The following BRINP3 variants were observed in gnomAD, a reference collection of about 807,000 sequenced individuals.
BRINP3 encodes BMP/retinoic acid inducible neural specific 3.
BRINP3 carries 19 observed loss-of-function variants against 71.0 expected under a neutral mutation model. That is an observed-to-expected ratio of 0.27 (90% confidence interval 0.19 to 0.39). The LOEUF (loss-of-function observed/expected upper bound fraction) is 0.39, where lower values mean the gene tolerates loss of function less well. BRINP3 is among the 10% of genes least tolerant of loss of function. BRINP3 has a pLI of 1.00. For missense variants in BRINP3, 959 were observed against 940.8 expected (o/e 1.02, Z -0.25); for synonymous variants, 380 against 337.7 (o/e 1.13, Z -1.37).
intron 7 of BRINP3, among the ~76,000 whole-genome samples, chr1:190,148,640 T>TAAAA (rs1553249532): frequency 4.3e-4 from 64 of 148,640 alleles, no homozygotes; most frequent in African/African-American, 1.6e-3. Context: ...AATAAATAAA[T>TAAAA]AAATAAATAA....
rs142122573 is a variant in BRINP3 at position 190,113,525 on chromosome 1, A to G, written c.1185-14391T>C. Among the ~76,000 whole-genome samples the G allele has an allele frequency of 3.7e-3, 560 of 152,342 alleles. 5 individuals are homozygous for G. The highest frequency in any genetic ancestry group is 0.012 in the African/African-American group (500 of 41,580). ...AATTATGCTAATTAGTTAAACAAAC[A>G]GCATGTGTCTCCTTTAAGGAGACAT... On this transcript the variant is annotated intron_variant, in intron 7 of 7. Transcript: ENST00000367462.
At chr1:190,341,369 T>C (rs988341517) in intron 2 of BRINP3, among the ~76,000 whole-genome samples, 1 of 151,916 alleles carries the variant, frequency 6.6e-6, no homozygotes, top group Admixed American at 6.6e-5. Context: ...TGATAATATA[T>C]GATGTTTAAT....
At chr1:190,395,678 A>T (rs1056839276) in intron 2 of BRINP3, among the ~76,000 whole-genome samples, 5 of 151,764 alleles carry the variant, frequency 3.3e-5, no homozygotes, top group African/African-American at 1.2e-4. Context: ...ATTACAAAAA[A>T]CCTACCTTCA....
intron 7 of BRINP3, among the ~76,000 whole-genome samples, chr1:190,107,043 C>T (rs945325718): frequency 9.2e-5 from 14 of 151,980 alleles, no homozygotes; most frequent in African/African-American, 3.4e-4. Context: ...CAGCTCATTC[C>T]TTTGTGTCAC....
intron 2 of BRINP3, among the ~76,000 whole-genome samples, chr1:190,443,760 C>G (rs778482797): frequency 6.6e-6 from 1 of 152,144 alleles, no homozygotes; most frequent in African/African-American, 2.4e-5. Flanking sequence ...CATCTGACAG[C>G]GACTTCTAGT....
intron 7 of BRINP3, among the ~76,000 whole-genome samples, chr1:190,157,444 A>C (rs1656968227): frequency 6.6e-6 from 1 of 152,066 alleles, no homozygotes. Context: ...GAGATTGTCC[A>C]AATCTTCCCT....
intron 2 of BRINP3, among the ~76,000 whole-genome samples, chr1:190,416,242 AAGAC>A (rs1672996750): frequency 6.6e-6 from 1 of 152,170 alleles, no homozygotes; most frequent in African/African-American, 2.4e-5. Context: ...ATCATTATAT[AAGAC>A]AGAATTCTTA....
intron 2 of BRINP3, among the ~76,000 whole-genome samples, chr1:190,363,214 G>A (rs912485446): frequency 3.3e-5 from 5 of 152,034 alleles, no homozygotes; most frequent in Admixed American, 1.3e-4. Context: ...ACAACAAAAT[G>A]GAAACCGCAA....
At chr1:190,203,341 G>T (rs1367432908) in intron 6 of BRINP3, among the ~76,000 whole-genome samples, 1 of 151,362 alleles carries the variant, frequency 6.6e-6, no homozygotes, top group Non-Finnish European at 1.5e-5. Context: ...AGATGCAGTT[G>T]GGATGAAAAG....
At chr1:190,329,489 G>C in intron 2 of BRINP3, among the ~76,000 whole-genome samples, 1 of 151,580 alleles carries the variant, frequency 6.6e-6, no homozygotes, top group East Asian at 1.9e-4. Context: ...AGAGGTGAAA[G>C]ACCTCTACAC....
Position 190,451,031 on chromosome 1 carries a change from TG to T in BRINP3, c.236+3623del, listed in dbSNP as rs558360679. On this transcript the variant is annotated intron_variant, in intron 2 of 7. Coordinates refer to ENST00000367462, the MANE Select transcript of BRINP3 (RefSeq NM_199051.3). ...CCTCAATTGTCTCCTATTCTCAAATTGGAGCATTATTTGAGTGCTCTGAAGA... is the reference window on the plus strand; with the variant it reads ...CCTCAATTGTCTCCTATTCTCAAATTGAGCATTATTTGAGTGCTCTGAAGA... Among the ~76,000 whole-genome samples, 5 of 152,270 alleles carry T rather than the reference TG, an allele frequency of 3.3e-5. No individual in the cohort carries two copies. In the South Asian group the frequency reaches 1.0e-3, roughly 32 times the overall value.
In BRINP3 at chr1:190,098,750, G is replaced by C; in HGVS notation, c.1569C>G (p.Ser523Arg). Residue 523 changes from serine (S) to arginine (R), a missense_variant, in exon 8 of 8, where the codon AGC (serine) becomes AGG (arginine). Coordinates refer to ENST00000367462, the MANE Select transcript of BRINP3 (RefSeq NM_199051.3). Reference protein sequence around the residue: ...IFISNDMRLNSWFDPSWRKRM... With the variant: ...IFISNDMRLNRWFDPSWRKRM... ...GCTTACGCCAGGAGGGATCAAACCA[G>C]CTATTGAGGCGCATGTCATTGCTGA... 6.2e-7 allele frequency: 1 copy of C among 1,614,172 alleles called. No individual in the cohort carries two copies. Among genetic ancestry groups the C allele is most frequent in the Non-Finnish European group, 8.5e-7 (1 of 1,180,030 alleles).
chr1:190,157,789 T>C (rs1220716684), intron 7 of BRINP3, among the ~76,000 whole-genome samples: 2 of 152,066 alleles, frequency 1.3e-5, no homozygotes, highest in African/African-American at 4.8e-5. Context: ...TAATGATTTA[T>C]AGCAGTGCTT....
chr1:190,220,746 C>G (rs1031800839), intron 6 of BRINP3, among the ~76,000 whole-genome samples: 2 of 151,952 alleles, frequency 1.3e-5, no homozygotes, highest in Non-Finnish European at 2.9e-5. Context: ...GAATTTACCA[C>G]CACCAGACTC....
intron 2 of BRINP3, among the ~76,000 whole-genome samples, chr1:190,295,071 C>A (rs1313247351): frequency 6.6e-6 from 1 of 152,006 alleles, no homozygotes; most frequent in Non-Finnish European, 1.5e-5. Context: ...CTGAATTGCA[C>A]CCAAAGCCTC....
intron 2 of BRINP3, among the ~76,000 whole-genome samples, chr1:190,333,075 T>C (rs1460052591): frequency 6.6e-6 from 1 of 151,986 alleles, no homozygotes; most frequent in Non-Finnish European, 1.5e-5. Flanking sequence ...TAACAAGTAC[T>C]ACCAACATTT....
At chr1:190,431,763 T>C (rs1025763795) in intron 2 of BRINP3, among the ~76,000 whole-genome samples, 25 of 152,124 alleles carry the variant, frequency 1.6e-4, no homozygotes, top group African/African-American at 5.8e-4. Context: ...TCAGAAACCG[T>C]AGAAGTAAAC....
intron 2 of BRINP3, among the ~76,000 whole-genome samples, chr1:190,368,102 C>G (rs923048556): frequency 7.9e-5 from 12 of 152,084 alleles, no homozygotes; most frequent in Admixed American, 2.0e-4. Flanking sequence ...TCTTACACTG[C>G]TAATAAAGAC....
At chr1:190,378,369 T>C (rs1670312569) in intron 2 of BRINP3, among the ~76,000 whole-genome samples, 1 of 152,208 alleles carries the variant, frequency 6.6e-6, no homozygotes, top group South Asian at 2.1e-4. Context: ...ATTTTGGAGC[T>C]ACAGTAGCCC....
Sources: gnomAD v4.1 joint callset for allele counts (sites outside exome capture counted in the v4.1 genomes callset) on GRCh38, gnomAD v4.1.1 for gene constraint, MANE v1.5 for transcripts, NCBI Gene and HGNC (gene_info 2026-07-23, HGNC 2026-07-21) for gene names.